Variants in FLG observed in about 807,000 individuals in gnomAD.
FLG encodes the protein filaggrin, also known as epidermal filaggrin.
FLG carries 6 observed loss-of-function variants against 3.8 expected under a neutral mutation model. The observed-to-expected ratio is 1.60, with a 90% confidence interval of 0.87 to 3.15. FLG has a LOEUF of 3.15. Ranked by LOEUF, FLG falls within the 30% of genes most tolerant of loss-of-function variation. The pLI is 0.00. For missense variants in FLG, 7,595 were observed against 5,050.9 expected, an observed-to-expected ratio of 1.50 and a Z score of -15.27; for synonymous variants, 2,551 against 1,931.6, an observed-to-expected ratio of 1.32 and a Z score of -8.41.
chr1:152,310,556 G>A lies in FLG; in HGVS notation c.4330C>T (p.Gln1444Ter), dbSNP rs1473191038. ...SSGRSRSFLYQVSSHEQSEST... is the reference protein window; with the variant it reads ...SSGRSRSFLY ...TCAGACTGTTCATGAGAGCTCACCT[G>A]GTAGAGGAAAGACCTTGAACGTCCA... Residue 1444 changes from glutamine to a stop codon, truncating the protein, a stop_gained, in exon 3 of 3, where the codon CAG (glutamine) becomes TAG (stop). Transcript: ENST00000368799. LOFTEE classifies it low-confidence loss of function (END_TRUNC). 1.9e-6 allele frequency: 3 copies of A among 1,613,826 alleles called. No individual in the cohort carries two copies. Among genetic ancestry groups the A allele is most frequent in the Non-Finnish European group, 2.5e-6 (3 of 1,179,908 alleles).
rs1652598538 is a variant in FLG at position 152,313,377 on chromosome 1, G to C, written c.1509C>G (p.Ser503Arg). 6.2e-7 allele frequency: 1 copy of C among 1,613,430 alleles called. No individual in the cohort carries two copies. Among genetic ancestry groups the C allele is most frequent in the Non-Finnish European group, 8.5e-7 (1 of 1,179,878 alleles). Residue 503 changes from serine (S) to arginine (R), a missense_variant, in exon 3 of 3, where the codon AGC becomes AGG. By Grantham distance (110) the Ser-to-Arg change is moderately radical (BLOSUM62 -1). Coordinates refer to ENST00000368799, the MANE Select transcript of FLG (RefSeq NM_002016.2). ...CCTCTTGGGACGCTGAATGCCTGGA[G>C]CTGTCTCGTGCCTGCTCGTGGTGCG... The part of the protein sequence containing the change: ...QGSHHEQARD[S>R]SRHSASQEGQ...
rs12073613 is a variant in FLG at position 152,309,438 on chromosome 1, G to C, written c.5448C>G (p.His1816Gln). The C allele has an allele frequency of 4.2e-3, 6,766 of 1,613,194 alleles. 268 individuals are homozygous for C. In the African/African-American group the frequency reaches 0.081, roughly 19 times the overall value. ...GCCTTCCTCCTCTGCTTGACCCTGG[G>C]TGTCCACGAATGGTGTCCTGACCCT... ...SQEGQDTIRG[H>Q]PGSSRGGRQG... Residue 1816 changes from histidine to glutamine, a missense_variant, in exon 3 of 3, where the codon CAC becomes CAG. By Grantham distance (24) the His-to-Gln change is conservative (BLOSUM62 0). Coordinates refer to ENST00000368799, the MANE Select transcript of FLG (RefSeq NM_002016.2).
Position 152,312,308 on chromosome 1 carries a change from A to T in FLG, c.2578T>A (p.Ser860Thr), listed in dbSNP as rs1652500982. ...RGRQGSHHEQ[S>T]VDRSGHSGSH... The stretch of plus-strand genomic sequence containing the variant: ...CCTGAGTGTCCAGACCTATCTACCG[A>T]TTGCTCGTGGTGGGACCCCTGCCTT... Residue 860 changes from serine to threonine, a missense_variant, in exon 3 of 3, where the codon TCG becomes ACG. Physicochemically the swap from Ser to Thr is moderately conservative, Grantham distance 58 (BLOSUM62 1). Coordinates refer to ENST00000368799, the MANE Select transcript of FLG (RefSeq NM_002016.2). 8.7e-6 allele frequency: 14 copies of T among 1,612,506 alleles called. No homozygotes were observed. Among genetic ancestry groups the T allele is most frequent in the Non-Finnish European group, 1.2e-5 (14 of 1,179,668 alleles).
Position 152,311,562 on chromosome 1 carries a change from C to A in FLG, c.3324G>T (p.Gly1108=). 1 of 1,614,012 alleles carries A rather than the reference C, an allele frequency of 6.2e-7. No homozygotes were observed. The highest frequency in any genetic ancestry group is 8.5e-7 in the Non-Finnish European group (1 of 1,180,018). The change falls in exon 3 of 3, where the codon GGG becomes GGT. Residue 1108 remains glycine, a synonymous_variant. Coordinates refer to ENST00000368799, the MANE Select transcript of FLG (RefSeq NM_002016.2). ...AAGACCCTGAACGTCCAGACCTTCC[C>A]CCTGACCAGTCACGTGCGGACTCTT... ...SHQESARDWS[G]GRSGRSGSFI...
rs756428259 is a variant in FLG at position 152,311,995 on chromosome 1, C to T, written c.2891G>A (p.Gly964Glu). 2 of 1,612,206 alleles carry T rather than the reference C, an allele frequency of 1.2e-6. No individual in the cohort carries two copies. The highest frequency in any genetic ancestry group is 2.2e-5 in the South Asian group (2 of 91,056). ...GHSEDSERWS[G>E]SASRNHRGSA... is the part of the protein sequence containing the mutation. ...TCCACGATGGTTTCTGGAAGCAGAC[C>T]CAGACCACCTCTCAGAGTCTTCTGA... Residue 964 changes from glycine to glutamate, a missense_variant, in exon 3 of 3, where the codon GGG becomes GAG. Gly to Glu is a moderately conservative substitution (Grantham distance 98, BLOSUM62 -2). Coordinates refer to ENST00000368799, the MANE Select transcript of FLG (RefSeq NM_002016.2).
In FLG at chr1:152,310,987, T is replaced by A; in HGVS notation, c.3899A>T (p.Glu1300Val). The change falls in exon 3 of 3, where the codon GAG becomes GTG. Residue 1300 changes from glutamate (E) to valine (V), a missense_variant. Physicochemically the swap from Glu to Val is moderately radical, Grantham distance 121. Transcript: ENST00000368799. Reference protein sequence around the residue: ...ASRNHHGSSREQSRDGSRHPG... With the variant: ...ASRNHHGSSRVQSRDGSRHPG... ...GTGTCTGGAGCCATCTCTTGACTGC[T>A]CCCGAGAAGATCCATGATGGTTTCT... 1 of 1,613,952 alleles carries A rather than the reference T, an allele frequency of 6.2e-7. No homozygotes were observed. The highest frequency in any genetic ancestry group is 1.3e-5 in the African/African-American group (1 of 74,966).
In FLG at chr1:152,309,283, G is replaced by T; in HGVS notation, c.5603C>A (p.Thr1868Lys). The change falls in exon 3 of 3, where the codon ACA (threonine) becomes AAA (lysine). Residue 1868 changes from threonine (T) to lysine (K), a missense_variant. Coordinates refer to ENST00000368799, the MANE Select transcript of FLG (RefSeq NM_002016.2). ...GTCTCCTGATTGTTTCTCATTACGT[G>T]TTTGTCTGCTGACACTTCTGGATCC... ...QSGSRSVSRQTRNEKQSGDGS... is the reference protein window; with the variant it reads ...QSGSRSVSRQKRNEKQSGDGS... The T allele has an allele frequency of 6.2e-7, 1 of 1,613,612 alleles. No individual in the cohort carries two copies. The highest frequency in any genetic ancestry group is 1.1e-5 in the South Asian group (1 of 91,042).
At chr1:152,315,939 A>G (rs1165857964) in intron 1 of FLG, among the ~76,000 whole-genome samples, 5 of 152,254 alleles carry the variant, frequency 3.3e-5, no homozygotes, top group African/African-American at 4.8e-5. Context: ...ATACTCAATG[A>G]AAGTTCATTC....
rs569987493 is a variant in FLG at position 152,304,383 on chromosome 1, G to A, written c.10503C>T (p.His3501=). 6 of 1,611,948 alleles carry A rather than the reference G, an allele frequency of 3.7e-6. No homozygotes were observed. In the African/African-American group the frequency reaches 8.0e-5, roughly 22 times the overall value. Residue 3501 remains histidine (H), a synonymous_variant, in exon 3 of 3, where the codon CAC becomes CAT. Transcript: ENST00000368799. ...NDEQSGDGSR[H]SWSHHHEAST... ...AAGCTTCATGGTGATGCGACCATGA[G>A]TGCCTGGAGCCATCTCCTGATTGTT...
In FLG at chr1:152,325,188, C is replaced by A. The variant is rs1653109443; in HGVS notation, c.-22+1G>T. On this transcript the variant is annotated splice_donor_variant, in intron 1 of 2. Coordinates refer to ENST00000368799, the MANE Select transcript of FLG (RefSeq NM_002016.2). LOFTEE classifies it low-confidence loss of function (5UTR_SPLICE). ...ACAAAATTAAATGTATTCCTTCTTACCTTGTTCACCAAAAGAGCAAATAGA... is the reference window on the plus strand; with the variant it reads ...ACAAAATTAAATGTATTCCTTCTTAACTTGTTCACCAAAAGAGCAAATAGA... 2 of 151,870 alleles carry A rather than the reference C, an allele frequency of 1.3e-5. No individual in the cohort carries two copies. The highest frequency in any genetic ancestry group is 4.8e-5 in the African/African-American group (2 of 41,378). The allele number at this position is 151,870 out of a possible 1,614,324, so 9.4% of individuals were successfully genotyped here.
Position 152,310,731 on chromosome 1 carries a change from A to G in FLG, c.4155T>C (p.Ser1385=). ...GACTACCACTGGACCCTCGGTGTCC[A>G]CTGTCTCTGACTGCAGATGAAGCTT... ...HRQASSAVRD[S]GHRGSSGSQV... Residue 1385 remains serine, a synonymous_variant, in exon 3 of 3, where the codon AGT becomes AGC. Transcript: ENST00000368799. 2.5e-6 allele frequency: 4 copies of G among 1,613,852 alleles called. No individual in the cohort carries two copies. Among genetic ancestry groups the G allele is most frequent in the South Asian group, 2.2e-5 (2 of 91,056 alleles).
In FLG at chr1:152,313,375, G is replaced by C; in HGVS notation, c.1511C>G (p.Ser504Cys). The change falls in exon 3 of 3, where the codon TCC becomes TGC. Residue 504 changes from serine to cysteine, a missense_variant. Coordinates refer to ENST00000368799, the MANE Select transcript of FLG (RefSeq NM_002016.2). Reference protein sequence around the residue: ...GSHHEQARDSSRHSASQEGQD... With the variant: ...GSHHEQARDSCRHSASQEGQD... ...ACCCTCTTGGGACGCTGAATGCCTG[G>C]AGCTGTCTCGTGCCTGCTCGTGGTG... 6.2e-6 allele frequency: 10 copies of C among 1,613,648 alleles called. No homozygotes were observed. The highest frequency in any genetic ancestry group is 7.6e-6 in the Non-Finnish European group (9 of 1,179,884).
rs748763678 is a variant in FLG at position 152,313,437 on chromosome 1, T to C, written c.1449A>G (p.Gly483=). ...TTCCTCCAGTGCTGGTCCCGGTCCGTCCATGGGCAGAGTCAGGCTGTTCAT... is the reference window on the plus strand; with the variant it reads ...TTCCTCCAGTGCTGGTCCCGGTCCGCCCATGGGCAGAGTCAGGCTGTTCAT... ...STHEQPDSAH[G]RTGTSTGGRQ... The change falls in exon 3 of 3, where the codon GGA becomes GGG. Residue 483 remains glycine, a synonymous_variant. Coordinates refer to ENST00000368799, the MANE Select transcript of FLG (RefSeq NM_002016.2). The C allele has an allele frequency of 2.4e-5, 38 of 1,613,678 alleles. No homozygotes were observed. Among genetic ancestry groups the C allele is most frequent in the Admixed American group, 1.2e-4 (7 of 59,990 alleles).
At position 152,309,044 on chromosome 1, in the gene FLG, C is replaced by T. The variant is rs780839867; in HGVS notation, c.5842G>A (p.Glu1948Lys). 4.3e-6 allele frequency: 7 copies of T among 1,614,030 alleles called. No homozygotes were observed. The highest frequency in any genetic ancestry group is 1.1e-5 in the South Asian group (1 of 91,086). ...TGTCTGGAGCCATCTCTTGACTGCTCCCAAGCAGATCCAAGATGGTTTCTG... is the reference window on the plus strand; with the variant it reads ...TGTCTGGAGCCATCTCTTGACTGCTTCCAAGCAGATCCAAGATGGTTTCTG... ...ASRNHLGSAW[E>K]QSRDGSRHPG... The change falls in exon 3 of 3, where the codon GAG becomes AAG. Residue 1948 changes from glutamate to lysine, a missense_variant. Coordinates refer to ENST00000368799, the MANE Select transcript of FLG (RefSeq NM_002016.2).
rs761483019 is a variant in FLG at position 152,309,984 on chromosome 1, C to T, written c.4902G>A (p.Arg1634=). The T allele has an allele frequency of 1.9e-6, 3 of 1,613,868 alleles. No homozygotes were observed. In the African/African-American group the frequency reaches 4.0e-5, roughly 22 times the overall value. The change falls in exon 3 of 3, where the codon AGG becomes AGA. Residue 1634 remains arginine (R), a synonymous_variant. Coordinates refer to ENST00000368799, the MANE Select transcript of FLG (RefSeq NM_002016.2). ...GACTGGCTCTATCTTCTTGATGGGA[C>T]CTGGGGTTCCTGGAGCCATGTCTTG... ...EQSRHGSRNP[R]SHQEDRASHG...
rs2101643900 is a variant in FLG, at chr1:152,308,764, C to A, written c.6122G>T (p.Gly2041Val). The A allele has an allele frequency of 1.2e-6, 2 of 1,614,158 alleles. No individual in the cohort carries two copies. The highest frequency in any genetic ancestry group is 8.5e-7 in the Non-Finnish European group (1 of 1,180,010). ...TCCCTCACTGTCACTGGCCTGACTA[C>A]CACTGTACCCTCGGTGTCCACTGTC... is the stretch of plus-strand genomic sequence containing the variant. ...VRDSGHRGYS[G>V]SQASDSEGHS... Residue 2041 changes from glycine to valine, a missense_variant, in exon 3 of 3, where the codon GGT (glycine) becomes GTT (valine). Coordinates refer to ENST00000368799, the MANE Select transcript of FLG (RefSeq NM_002016.2).
chr1:152,311,065 C>G lies in FLG; in HGVS notation c.3821G>C (p.Ser1274Thr), dbSNP rs1652378713. 4 of 1,614,020 alleles carry G rather than the reference C, an allele frequency of 2.5e-6. No individual in the cohort carries two copies. Among genetic ancestry groups the G allele is most frequent in the Non-Finnish European group, 3.4e-6 (4 of 1,179,998 alleles). The change falls in exon 3 of 3, where the codon AGT (serine) becomes ACT (threonine). Residue 1274 changes from serine to threonine, a missense_variant. Physicochemically the swap from Ser to Thr is moderately conservative, Grantham distance 58 (BLOSUM62 1). Transcript: ENST00000368799. ...RHQGSSVSQDSDSERHSDDSE... is the reference protein window; with the variant it reads ...RHQGSSVSQDTDSERHSDDSE... ...GTCGTCTGAGTGTCTCTCACTGTCA[C>G]TGTCCTGGCTAACACTGGATCCCTG...
At position 152,312,187 on chromosome 1, in the gene FLG, T is replaced by C; in HGVS notation, c.2699A>G (p.Glu900Gly). 1.2e-6 allele frequency: 2 copies of C among 1,613,966 alleles called. No individual in the cohort carries two copies. The highest frequency in any genetic ancestry group is 1.7e-6 in the Non-Finnish European group (2 of 1,179,990). The change falls in exon 3 of 3, where the codon GAA becomes GGA. Residue 900 changes from glutamate (E) to glycine (G), a missense_variant. By Grantham distance (98) the Glu-to-Gly change is moderately conservative (BLOSUM62 -2). Coordinates refer to ENST00000368799, the MANE Select transcript of FLG (RefSeq NM_002016.2). The stretch of plus-strand genomic sequence containing the variant: ...GTGCCTGGAGCCGTCTCTTGATTGT[T>C]CCTCATTACGTGTTGTTCTGCTTGC... ...RSASRTTRNE[E>G]QSRDGSRHSG...
rs746364155 is a variant in FLG at position 152,311,843 on chromosome 1, C to G, written c.3043G>C (p.Gly1015Arg). Residue 1015 changes from glycine to arginine, a missense_variant, in exon 3 of 3, where the codon GGT becomes CGT. Transcript: ENST00000368799. Reference protein sequence around the residue: ...SGTPHAETSSGGQAASSHEQA... With the variant: ...SGTPHAETSSRGQAASSHEQA... ...TCATGGGATGACGCAGCCTGTCCAC[C>G]AGAGGAAGTCTCTGCGTGAGGAGTT... 1.1e-5 allele frequency: 18 copies of G among 1,613,872 alleles called. No homozygotes were observed. The Admixed American group carries it at 2.0e-4, about 18-fold the overall frequency.
Sources: gnomAD v4.1 joint callset for allele counts (sites outside exome capture counted in the v4.1 genomes callset) on GRCh38, gnomAD v4.1.1 for gene constraint, MANE v1.5 for transcripts, NCBI Gene and HGNC (gene_info 2026-07-23, HGNC 2026-07-21) for gene names.